The following CHMP5 variants were observed in gnomAD, a reference collection of about 807,000 sequenced individuals.
CHMP5 encodes SNF7 domain containing 2.
A neutral mutation model predicts 33.0 loss-of-function variants in CHMP5; 17 were observed. The observed-to-expected ratio is 0.52, with a 90% CI of 0.35 to 0.77. The LOEUF is 0.77. Among genes scored for constraint, CHMP5 ranks in the 30% least tolerant of loss-of-function variants. The probability of loss-of-function intolerance (pLI) is 0.01; values close to 1 mark genes in which losing one functional copy is unlikely to be tolerated. For missense variants in CHMP5, 216 were observed against 261.5 expected, an observed-to-expected ratio of 0.83 and a Z score of 1.20; for synonymous variants, 76 against 90.2, an observed-to-expected ratio of 0.84 and a Z score of 0.89.
chr9:33,273,466 T>C (rs1427517682), intron 5 of CHMP5, among the ~76,000 whole-genome samples: 2 of 152,208 alleles, frequency 1.3e-5, no homozygotes, highest in East Asian at 3.8e-4. Context: ...TGCCTAATTA[T>C]CCTTTTCCTG....
chr9:33,267,349 G>T (rs1049343534), intron 2 of CHMP5, among the ~76,000 whole-genome samples: 2 of 152,318 alleles, frequency 1.3e-5, no homozygotes, highest in South Asian at 4.1e-4. Flanking sequence ...TTGAAAGTGA[G>T]TTCTGAAATC....
intron 3 of CHMP5, 63 bp from the exon 4 acceptor site, chr9:33,270,560 A>T: frequency 8.0e-7 from 1 of 1,248,126 alleles, no homozygotes; most frequent in South Asian, 1.2e-5. Flanking sequence ...GTGTGGGGAT[A>T]CTTTGTTCTT....
chr9:33,275,040 A>G (rs188590246), intron 5 of CHMP5, among the ~76,000 whole-genome samples: 6 of 152,308 alleles, frequency 3.9e-5, no homozygotes, highest in Non-Finnish European at 1.5e-5. Context: ...ACTCCTAACC[A>G]TTATACCAGC....
Position 33,267,704 on chromosome 9 carries a change from G to C in CHMP5, c.175-149G>C, listed in dbSNP as rs538930847. On this transcript the variant is annotated intron_variant, in intron 2 of 7. Transcript: ENST00000223500. ...CTGGACCTTAGAGATACCTGTTTTT[G>C]GGAGGGGAAGTACAGAATCCAGGAG... 682 of 606,812 alleles carry C rather than the reference G, an allele frequency of 1.1e-3. 1 individual carries two copies. Among genetic ancestry groups the C allele is most frequent in the Non-Finnish European group, 1.7e-3 (582 of 338,650 alleles). 37.6% of individuals were successfully genotyped at this position (606,812 alleles called of 1,614,324 possible). A position where few individuals can be genotyped will look rare whatever the true frequency, so the allele number is the denominator to read the frequency against.
intron 3 of CHMP5, among the ~76,000 whole-genome samples, chr9:33,268,524 A>T (rs566109230): frequency 2.6e-5 from 4 of 152,354 alleles, no homozygotes; most frequent in African/African-American, 9.6e-5. Flanking sequence ...TCGAGGAGCC[A>T]GAAAGATTGT....
rs1259256559 is a variant in CHMP5 at position 33,273,461 on chromosome 9, AATT to A, written c.387+2241_387+2243del. On this transcript the variant is annotated intron_variant, in intron 5 of 7. Coordinates refer to ENST00000223500, the MANE Select transcript of CHMP5 (RefSeq NM_016410.6). ...TGGTTGTCTGTCTGTCTCCCTGCCT[AATT>A]ATCCTTTTCCTGTCCTCCAATAGAT... 2.0e-5 allele frequency among the ~76,000 whole-genome samples: 3 copies of A among 152,112 alleles called. No individual in the cohort carries two copies. The East Asian group carries it at 5.8e-4, about 29-fold the overall frequency.
intron 3 of CHMP5, 125 bp from the exon 4 acceptor site, chr9:33,270,498 C>T (rs1820780834): frequency 5.6e-6 from 4 of 715,212 alleles, no homozygotes; most frequent in African/African-American, 1.8e-5. Context: ...TGCGTGATAC[C>T]TAATTTTTAA....
Position 33,265,105 on chromosome 9 carries a change from AC to A in CHMP5, c.30del (p.Lys11ArgfsTer7). On this transcript the variant is annotated frameshift_variant, in exon 1 of 8. Coordinates refer to ENST00000223500, the MANE Select transcript of CHMP5 (RefSeq NM_016410.6). LOFTEE classifies it high-confidence loss of function. ...TGAACCGACTCTTCGGGAAAGCGAA[AC>A]CCAAGGCTCCGCCGCCCAGCCTGAC... is the stretch of plus-strand genomic sequence containing the variant. Reference protein sequence around the residue: MNRLFGKAKPKAPPPSLTDC... With the variant: MNRLFGKAKXKAPPPSLTDC... 1 of 1,613,970 alleles carries A rather than the reference AC, an allele frequency of 6.2e-7. No individual in the cohort carries two copies. Among genetic ancestry groups the A allele is most frequent in the Non-Finnish European group, 8.5e-7 (1 of 1,179,972 alleles).
intron 5 of CHMP5, among the ~76,000 whole-genome samples, chr9:33,271,833 T>C (rs899866989): frequency 1.3e-5 from 2 of 152,220 alleles, no homozygotes; most frequent in African/African-American, 4.8e-5. Flanking sequence ...ATGCCTGGCC[T>C]ATGATAAGCA....
Position 33,278,288 on chromosome 9 carries a change from G to A in CHMP5, c.609+63G>A, listed in dbSNP as rs1820879645. 9 of 973,194 alleles carry A rather than the reference G, an allele frequency of 9.2e-6. No homozygotes were observed. In the South Asian group the frequency reaches 1.1e-4, roughly 12 times the overall value. 60.3% of individuals were successfully genotyped at this position (973,194 alleles called of 1,614,324 possible). A position where few individuals can be genotyped will look rare whatever the true frequency, so the allele number is the denominator to read the frequency against. ...GCAAAGGCTTTATGCTTGACCATAA[G>A]TCTGGGAATCTAAAAGGTAGTCTTA... On this transcript the variant is annotated intron_variant, in intron 7 of 7. Coordinates refer to ENST00000223500, the MANE Select transcript of CHMP5 (RefSeq NM_016410.6).
At position 33,270,649 on chromosome 9, in the gene CHMP5, C is replaced by G. The variant is rs1327182864; in HGVS notation, c.248C>G (p.Ala83Gly). 3 of 1,614,004 alleles carry G rather than the reference C, an allele frequency of 1.9e-6. No homozygotes were observed. Among genetic ancestry groups the G allele is most frequent in the Non-Finnish European group, 2.5e-6 (3 of 1,179,946 alleles). The change falls in exon 4 of 8, where the codon GCC (alanine) becomes GGC (glycine). Residue 83 changes from alanine (A) to glycine (G), a missense_variant. Transcript: ENST00000223500. ...TATGAGCAGCAGCGGGACAATCTTGCCCAACAGTCATTCAACATGGAACAA... is the reference window on the plus strand; with the variant it reads ...TATGAGCAGCAGCGGGACAATCTTGGCCAACAGTCATTCAACATGGAACAA... ...RMYEQQRDNL[A>G]QQSFNMEQAN...
intron 2 of CHMP5, among the ~76,000 whole-genome samples, chr9:33,266,872 CACTT>C (rs1820733771): frequency 6.6e-6 from 1 of 152,162 alleles, no homozygotes; most frequent in African/African-American, 2.4e-5. Flanking sequence ...TTGATAAAGT[CACTT>C]ATTTTCCACT....
At position 33,270,707 on chromosome 9, in the gene CHMP5, C is replaced by G. The variant is rs772217764; in HGVS notation, c.306C>G (p.Thr102=). Residue 102 remains threonine (T), a synonymous_variant, in exon 4 of 8, where the codon ACC becomes ACG. Coordinates refer to ENST00000223500, the MANE Select transcript of CHMP5 (RefSeq NM_016410.6). The part of the protein sequence containing the change: ...ANYTIQSLKD[T]KTTVDAMKLG... The stretch of plus-strand genomic sequence containing the variant: ...ATACCATCCAGTCTTTGAAGGACAC[C>G]AAGACCACGGTACTCCCAAAACACC... The G allele has an allele frequency of 1.2e-5, 20 of 1,609,644 alleles. No homozygotes were observed. Among genetic ancestry groups the G allele is most frequent in the Non-Finnish European group, 1.6e-5 (19 of 1,176,150 alleles).
intron 5 of CHMP5, among the ~76,000 whole-genome samples, chr9:33,271,905 T>G (rs879683395): frequency 3.9e-5 from 6 of 152,192 alleles, no homozygotes; most frequent in South Asian, 2.1e-4. Flanking sequence ...GGTAGTGGTG[T>G]TGTTGCCTAT....
At chr9:33,270,824 G>A (rs1820785884) in intron 4 of CHMP5, 108 bp downstream of exon 4, 1 of 906,348 alleles carries the variant, frequency 1.1e-6, no homozygotes, top group African/African-American at 1.6e-5. Flanking sequence ...GCTCACGCCT[G>A]TAATCCCAAC....
At chr9:33,279,730 G>A (rs1303467283) in intron 7 of CHMP5, among the ~76,000 whole-genome samples, 3 of 151,900 alleles carry the variant, frequency 2.0e-5, no homozygotes, top group Non-Finnish European at 4.4e-5. Context: ...GGGCGTGGTG[G>A]CAGGCTCCTG....
chr9:33,265,275 C>G (rs1478451239), intron 1 of CHMP5, 128 bp downstream of exon 1: 4 of 826,454 alleles, frequency 4.8e-6, no homozygotes, highest in East Asian at 2.6e-5. Flanking sequence ...TCGTCCCTCT[C>G]TATCTCACCT....
chr9:33,273,353 T>C (rs552345365), intron 5 of CHMP5, among the ~76,000 whole-genome samples: 1 of 152,262 alleles, frequency 6.6e-6, no homozygotes, highest in Admixed American at 6.5e-5. Context: ...GTTCCTTGTG[T>C]TTTAATTAAA....
intron 2 of CHMP5, among the ~76,000 whole-genome samples, chr9:33,266,483 G>A (rs1376652994): frequency 6.6e-6 from 1 of 151,278 alleles, no homozygotes; most frequent in Non-Finnish European, 1.5e-5. Flanking sequence ...AAAAATAAGT[G>A]AAATAGGACC....
Sources: allele counts gnomAD v4.1 joint callset (sites outside exome capture counted in the v4.1 genomes callset), GRCh38; gene constraint gnomAD v4.1.1; transcripts MANE v1.5; gene names NCBI Gene and HGNC (gene_info 2026-07-23, HGNC 2026-07-21).